Variants in SMIM20 observed in about 807,000 individuals in gnomAD.
SMIM20 encodes small integral membrane protein 20.
Under a neutral mutation model 8.7 loss-of-function variants are expected in SMIM20, and 3 were observed. The ratio of observed to expected loss-of-function variants is 0.34; its 90% CI spans 0.16 to 0.89. The LOEUF is 0.89. SMIM20 is among the 40% of genes least tolerant of loss of function. The pLI is 0.49. For synonymous variants in SMIM20, 44 were observed against 33.6 expected (o/e 1.31, Z -1.07); for missense variants, 85 against 84.8 (o/e 1.00, Z -0.01).
chr4:25,915,233 A>G (rs1719062944), intron 1 of SMIM20, among the ~76,000 whole-genome samples: 2 of 152,084 alleles, frequency 1.3e-5, no homozygotes, highest in South Asian at 4.1e-4. Flanking sequence ...TTCCAGTCCT[A>G]TCATTCTAAA....
At chr4:25,916,404 G>A in intron 1 of SMIM20, among the ~76,000 whole-genome samples, 1 of 151,958 alleles carries the variant, frequency 6.6e-6, no homozygotes. Context: ...TAGAGACAGG[G>A]TTTCACCATG....
chr4:25,925,168 T>C (rs1168321439), intron 1 of SMIM20, among the ~76,000 whole-genome samples: 2 of 152,230 alleles, frequency 1.3e-5, no homozygotes, highest in Non-Finnish European at 2.9e-5. Flanking sequence ...GTATGGAATA[T>C]ACAGCCCACG....
intron 1 of SMIM20, among the ~76,000 whole-genome samples, chr4:25,925,883 G>C (rs1442710326): frequency 1.3e-5 from 2 of 152,206 alleles, no homozygotes; most frequent in Non-Finnish European, 2.9e-5. Context: ...TGTATTACTA[G>C]TTTTAATAAT....
chr4:25,915,862 G>GGGGGGGT (rs1719080995), intron 1 of SMIM20, among the ~76,000 whole-genome samples: 1 of 135,436 alleles, frequency 7.4e-6, no homozygotes, highest in Non-Finnish European at 1.7e-5. Flanking sequence ...GATGGGGCGG[G>GGGGGGGT]GGGGGGGTCG....
At chr4:25,915,597 A>G (rs1461397236) in intron 1 of SMIM20, among the ~76,000 whole-genome samples, 2 of 152,156 alleles carry the variant, frequency 1.3e-5, no homozygotes, top group Non-Finnish European at 2.9e-5. Flanking sequence ...CTTCCAGCTT[A>G]TCTGCATGCA....
intron 1 of SMIM20, among the ~76,000 whole-genome samples, chr4:25,927,246 C>T (rs1406369433): frequency 6.6e-6 from 1 of 152,168 alleles, no homozygotes; most frequent in Non-Finnish European, 1.5e-5. Flanking sequence ...ATCCCCATTG[C>T]CCAGTGTTTT....
At chr4:25,915,794 T>C (rs1719075998) in intron 1 of SMIM20, among the ~76,000 whole-genome samples, 1 of 146,358 alleles carries the variant, frequency 6.8e-6, no homozygotes, top group Non-Finnish European at 1.5e-5. Flanking sequence ...CTAGGGGTGA[T>C]TTTGCCCCGC....
intron 1 of SMIM20, among the ~76,000 whole-genome samples, chr4:25,922,604 C>G (rs1315505651): frequency 6.6e-6 from 1 of 152,192 alleles, no homozygotes; most frequent in Non-Finnish European, 1.5e-5. Context: ...TCCTGTTAGC[C>G]TTTCTTGTTA....
Position 25,929,793 on chromosome 4 carries a change from AT to A in SMIM20, c.*604del, listed in dbSNP as rs1316544113. 6.6e-6 allele frequency: 1 copy of A among 152,272 alleles called. No homozygotes were observed. Among genetic ancestry groups the A allele is most frequent in the African/African-American group, 2.4e-5 (1 of 41,474 alleles). The allele number at this position is 152,272 out of a possible 1,614,324, so 9.4% of individuals were successfully genotyped here. A position where few individuals can be genotyped will look rare whatever the true frequency, so the allele number is the denominator to read the frequency against. ...AATTAATAGAAGTGAAAAAATAGAC[AT>A]TAAAATGATTTATTTCTACTTTGCA... is the stretch of plus-strand genomic sequence containing the variant. On this transcript the variant is annotated 3_prime_UTR_variant, in exon 3 of 3. Transcript: ENST00000506197.
intron 1 of SMIM20, among the ~76,000 whole-genome samples, chr4:25,927,648 T>G (rs1049162277): frequency 2.0e-5 from 3 of 152,246 alleles, no homozygotes; most frequent in African/African-American, 7.2e-5. Flanking sequence ...TCTAAACCAC[T>G]TAGAAAAATG....
chr4:25,921,291 T>G (rs755264628), intron 1 of SMIM20, among the ~76,000 whole-genome samples: 6 of 151,986 alleles, frequency 3.9e-5, no homozygotes, highest in Non-Finnish European at 5.9e-5. Flanking sequence ...CCCAGCACTT[T>G]GGGAAGCTGA....
At chr4:25,921,057 A>G (rs1275780263) in intron 1 of SMIM20, among the ~76,000 whole-genome samples, 1 of 152,234 alleles carries the variant, frequency 6.6e-6, no homozygotes, top group Admixed American at 6.5e-5. Flanking sequence ...TAGTAAGAGC[A>G]GTGATCATAT....
chr4:25,916,679 C>T (rs563358479), intron 1 of SMIM20, among the ~76,000 whole-genome samples: 7 of 152,240 alleles, frequency 4.6e-5, no homozygotes, highest in South Asian at 4.1e-4. Context: ...CCTCAGCCTC[C>T]CAAGTAGCTG....
intron 1 of SMIM20, among the ~76,000 whole-genome samples, chr4:25,918,932 C>G (rs1243443009): frequency 1.7e-5 from 2 of 116,200 alleles, no homozygotes; most frequent in African/African-American, 6.5e-5. Flanking sequence ...GAGTCTCGCT[C>G]TGTCGCCCAG....
intron 2 of SMIM20, 72 bp from the exon 3 acceptor site, chr4:25,929,082 T>G: frequency 2.0e-6 from 3 of 1,509,578 alleles, no homozygotes; most frequent in Non-Finnish European, 2.7e-6. Flanking sequence ...GTCATTTTGT[T>G]TGTTTGGGGT....
intron 1 of SMIM20, among the ~76,000 whole-genome samples, chr4:25,921,032 C>A (rs930651278): frequency 6.6e-6 from 1 of 152,220 alleles, no homozygotes; most frequent in African/African-American, 2.4e-5. Context: ...AGATGAGTGA[C>A]ACAGGACTGT....
At chr4:25,919,623 C>T (rs373673589) in intron 1 of SMIM20, among the ~76,000 whole-genome samples, 1 of 152,184 alleles carries the variant, frequency 6.6e-6, no homozygotes, top group Non-Finnish European at 1.5e-5. Context: ...GTTAGGATTA[C>T]AGGCATGAGC....
At chr4:25,918,116 G>A (rs1204354041) in intron 1 of SMIM20, among the ~76,000 whole-genome samples, 1 of 151,888 alleles carries the variant, frequency 6.6e-6, no homozygotes, top group Non-Finnish European at 1.5e-5. Context: ...CTAATTTTTT[G>A]TATTATCAGT....
At chr4:25,920,850 G>A (rs926858073) in intron 1 of SMIM20, among the ~76,000 whole-genome samples, 1 of 152,214 alleles carries the variant, frequency 6.6e-6, no homozygotes, top group African/African-American at 2.4e-5. Context: ...GTTGCCTGCA[G>A]TATTCAGTAC....
Sources: gnomAD v4.1 joint callset for allele counts (sites outside exome capture counted in the v4.1 genomes callset) on GRCh38, gnomAD v4.1.1 for gene constraint, MANE v1.5 for transcripts, NCBI Gene and HGNC (gene_info 2026-07-23, HGNC 2026-07-21) for gene names.